Variants in MBD5 observed in about 807,000 individuals in gnomAD.
MBD5 encodes methyl-CpG binding domain protein 5, also known as methyl-CpG-binding domain protein 5.
A neutral mutation model predicts 117.3 loss-of-function variants in MBD5; 13 were observed. The ratio of observed to expected loss-of-function variants is 0.11; its 90% CI spans 0.07 to 0.18. The LOEUF (loss-of-function observed/expected upper bound fraction) is 0.18, where lower values mean the gene tolerates loss of function less well. Among genes scored for constraint, MBD5 ranks in the 10% least tolerant of loss-of-function variants. The pLI is 1.00. For missense variants in MBD5, 1,879 were observed against 2,093.8 expected (o/e 0.90, Z 2.00); for synonymous variants, 727 against 766.4 (o/e 0.95, Z 0.85).
At position 148,458,139 on chromosome 2, in the gene MBD5, A is replaced by C. The variant is rs537196974; in HGVS notation, c.-556-64A>C. The C allele has an allele frequency of 4.3e-5, 17 of 396,914 alleles. 1 individual carries two copies. The highest frequency in any genetic ancestry group is 2.5e-4 in the African/African-American group (12 of 48,678). The allele number at this position is 396,914 out of a possible 1,614,324, so 24.6% of individuals were successfully genotyped here. On this transcript the variant is annotated intron_variant, in intron 4 of 13. Coordinates refer to ENST00000642680, the MANE Select transcript of MBD5 (RefSeq NM_001378120.1). ...CACTTCGTAGTTTATTCTATTTTAA[A>C]ACTGTAAAGCTTCTCAGTTTTCAAC...
At chr2:148,333,315 T>C (rs1381824186) in intron 3 of MBD5, among the ~76,000 whole-genome samples, 2 of 152,174 alleles carry the variant, frequency 1.3e-5, no homozygotes, top group Non-Finnish European at 2.9e-5. Context: ...ACTATGAATT[T>C]CCTAGATCTG....
intron 1 of MBD5, among the ~76,000 whole-genome samples, chr2:148,095,694 A>G (rs574423908): frequency 6.6e-6 from 1 of 152,050 alleles, no homozygotes; most frequent in Non-Finnish European, 1.5e-5. Flanking sequence ...TATGTATAAT[A>G]CCTATTTTAA....
At chr2:148,221,595 A>AT (rs1271002048) in intron 2 of MBD5, among the ~76,000 whole-genome samples, 3 of 152,108 alleles carry the variant, frequency 2.0e-5, no homozygotes, top group African/African-American at 7.2e-5. Flanking sequence ...TCTTTTGCCC[A>AT]TTTTTTAATC....
intron 3 of MBD5, among the ~76,000 whole-genome samples, chr2:148,329,683 A>C (rs900915245): frequency 2.6e-5 from 4 of 152,198 alleles, no homozygotes; most frequent in Non-Finnish European, 4.4e-5. Context: ...AAGAAAGGCA[A>C]ATGAGCTACT....
chr2:148,316,415 G>A (rs1219949141), intron 3 of MBD5, among the ~76,000 whole-genome samples: 2 of 152,122 alleles, frequency 1.3e-5, no homozygotes, highest in African/African-American at 2.4e-5. Context: ...GGGTATATAA[G>A]ATGAAAGTAA....
At chr2:148,104,649 G>A (rs1425231106) in intron 1 of MBD5, among the ~76,000 whole-genome samples, 1 of 152,134 alleles carries the variant, frequency 6.6e-6, no homozygotes, top group Admixed American at 6.5e-5. Flanking sequence ...AAAGAATGTG[G>A]CCTTAGTTAG....
At chr2:148,198,480 A>G (rs1376741894) in intron 2 of MBD5, among the ~76,000 whole-genome samples, 2 of 152,176 alleles carry the variant, frequency 1.3e-5, no homozygotes, top group Non-Finnish European at 2.9e-5. Context: ...ATATTATGAT[A>G]TCATAATATA....
intron 7 of MBD5, among the ~76,000 whole-genome samples, chr2:148,467,962 A>G (rs1680612257): frequency 6.6e-6 from 1 of 152,180 alleles, no homozygotes; most frequent in Middle Eastern, 3.2e-3. Flanking sequence ...ACAAAATAGT[A>G]ATATCACCAT....
At chr2:148,302,971 C>T (rs1701809270) in intron 3 of MBD5, among the ~76,000 whole-genome samples, 1 of 148,702 alleles carries the variant, frequency 6.7e-6, no homozygotes, top group Admixed American at 6.7e-5. Context: ...ATATGTTATA[C>T]ATTATTATAT....
intron 1 of MBD5, among the ~76,000 whole-genome samples, chr2:148,083,739 T>A (rs1695708211): frequency 6.6e-6 from 1 of 152,258 alleles, no homozygotes; most frequent in East Asian, 1.9e-4. Flanking sequence ...GTGATTCTCC[T>A]GCCTCAGCCT....
intron 3 of MBD5, among the ~76,000 whole-genome samples, chr2:148,239,533 A>T (rs561216993): frequency 6.6e-6 from 1 of 152,270 alleles, no homozygotes; most frequent in East Asian, 1.9e-4. Flanking sequence ...TGTTTAAACC[A>T]GGGCCACCTT....
At chr2:148,049,689 C>T (rs1157410704) in intron 1 of MBD5, among the ~76,000 whole-genome samples, 1 of 152,088 alleles carries the variant, frequency 6.6e-6, no homozygotes, top group Non-Finnish European at 1.5e-5. Flanking sequence ...GAAAAGAAAC[C>T]CTATACCTGT....
chr2:148,032,079 AT>A (rs1005418682), intron 1 of MBD5, among the ~76,000 whole-genome samples: 6 of 151,666 alleles, frequency 4.0e-5, no homozygotes, highest in African/African-American at 1.5e-4. Context: ...ATGGCTCTGT[AT>A]TTTTTTTAGC....
At chr2:148,133,369 T>G (rs1347626350) in intron 1 of MBD5, among the ~76,000 whole-genome samples, 1 of 152,246 alleles carries the variant, frequency 6.6e-6, no homozygotes, top group African/African-American at 2.4e-5. Context: ...AAAGTTATTC[T>G]CAGTAGAATA....
At chr2:148,117,316 C>A (rs1696663974) in intron 1 of MBD5, among the ~76,000 whole-genome samples, 1 of 146,136 alleles carries the variant, frequency 6.8e-6, no homozygotes, top group Non-Finnish European at 1.5e-5. Flanking sequence ...TTCTTCTTTC[C>A]TTTTTCAATA....
chr2:148,371,830 C>T (rs1435994086), intron 4 of MBD5, among the ~76,000 whole-genome samples: 1 of 152,118 alleles, frequency 6.6e-6, no homozygotes, highest in Non-Finnish European at 1.5e-5. Context: ...TCTTATTATA[C>T]ATGTAGTGAA....
intron 2 of MBD5, among the ~76,000 whole-genome samples, chr2:148,211,004 C>A (rs1699409761): frequency 6.6e-6 from 1 of 152,136 alleles, no homozygotes; most frequent in Non-Finnish European, 1.5e-5. Context: ...CCATTGCTAA[C>A]TAGCTGTAAT....
chr2:148,076,609 C>A (rs886814497), intron 1 of MBD5, among the ~76,000 whole-genome samples: 1 of 152,174 alleles, frequency 6.6e-6, no homozygotes, highest in Admixed American at 6.5e-5. Flanking sequence ...AGTTAGTCTT[C>A]TAGGTGCCAG....
chr2:148,358,207 C>CA (rs559090176), intron 4 of MBD5, among the ~76,000 whole-genome samples: 139 of 151,054 alleles, frequency 9.2e-4, no homozygotes, highest in South Asian at 2.9e-3. Context: ...AGTTTGTAGG[C>CA]AAAAAAAATG....
Sources: allele counts gnomAD v4.1 joint callset (sites outside exome capture counted in the v4.1 genomes callset), GRCh38; gene constraint gnomAD v4.1.1; transcripts MANE v1.5; gene names NCBI Gene and HGNC (gene_info 2026-07-23, HGNC 2026-07-21).